ZCWPW2: variants seen among roughly 807,000 people sequenced by gnomAD.
The protein encoded by ZCWPW2 is zinc finger CW-type and PWWP domain containing 2, also known as zinc finger CW-type PWWP domain protein 2.
Under a neutral mutation model 46.6 loss-of-function variants are expected in ZCWPW2, and 45 were observed. The observed-to-expected ratio is 0.96, with a 90% confidence interval of 0.76 to 1.24. ZCWPW2 has a LOEUF of 1.24. ZCWPW2 is among the 50% of genes most tolerant of loss of function. The pLI is 0.00. For synonymous variants in ZCWPW2, 152 were observed against 137.1 expected (o/e 1.11, Z -0.76); for missense variants, 429 against 403.9 (o/e 1.06, Z -0.53).
intron 2 of ZCWPW2, among the ~76,000 whole-genome samples, chr3:28,409,621 T>C (rs1189777521): frequency 6.6e-6 from 1 of 152,190 alleles, no homozygotes; most frequent in East Asian, 1.9e-4. Context: ...TCATCTGGAT[T>C]AAAGCATTCT....
chr3:28,463,672 G>A (rs1698723515), intron 4 of ZCWPW2, among the ~76,000 whole-genome samples: 1 of 152,062 alleles, frequency 6.6e-6, no homozygotes, highest in African/African-American at 2.4e-5. Context: ...TTTATAAAAG[G>A]GTGGAGGTTG....
chr3:28,412,342 TAAATA>T (rs1696433437), intron 2 of ZCWPW2, among the ~76,000 whole-genome samples: 1 of 151,956 alleles, frequency 6.6e-6, no homozygotes, highest in South Asian at 2.1e-4. Context: ...TAATTAATAA[TAAATA>T]AAAGCTGAAA....
At chr3:28,460,724 A>G (rs1359952811) in intron 4 of ZCWPW2, among the ~76,000 whole-genome samples, 4 of 152,338 alleles carry the variant, frequency 2.6e-5, no homozygotes, top group African/African-American at 9.6e-5. Context: ...TTTCTACTGA[A>G]CTGCTTTAAG....
chr3:28,422,300 A>G (rs1368799346), intron 3 of ZCWPW2, among the ~76,000 whole-genome samples: 1 of 152,170 alleles, frequency 6.6e-6, no homozygotes, highest in African/African-American at 2.4e-5. Context: ...ACAAATGTAT[A>G]ATGACATGTG....
At chr3:28,508,983 C>G (rs1240085829) in intron 6 of ZCWPW2, among the ~76,000 whole-genome samples, 1 of 152,144 alleles carries the variant, frequency 6.6e-6, no homozygotes, top group African/African-American at 2.4e-5. Context: ...AGTTTTTCAT[C>G]ACCCTGAAAG....
At chr3:28,493,123 A>AT (rs1431021460) in intron 6 of ZCWPW2, among the ~76,000 whole-genome samples, 22 of 52,740 alleles carry the variant, frequency 4.2e-4, no homozygotes, top group African/African-American at 9.1e-4. Flanking sequence ...GTTTATCTTT[A>AT]TTTTTTTTTA....
chr3:28,512,182 T>C (rs562193779), intron 6 of ZCWPW2, among the ~76,000 whole-genome samples: 65 of 152,146 alleles, frequency 4.3e-4, no homozygotes, highest in Non-Finnish European at 7.1e-4. Context: ...ATTCTTTTTT[T>C]TTTTTTCTTT....
rs1475635694 is a variant in ZCWPW2 at position 28,453,844 on chromosome 3, TTATTATTA to T, written c.492+18577_492+18584del. On this transcript the variant is annotated intron_variant, in intron 4 of 9. Coordinates refer to ENST00000383768, the MANE Select transcript of ZCWPW2 (RefSeq NM_001040432.4). ...ATTTATTTATTTATTTTTATTTTTTTTATTATTATTTTTTTTTTGAGACGGAGTCTCGC... is the reference window on the plus strand; with the variant it reads ...ATTTATTTATTTATTTTTATTTTTTTTTTTTTTTTTGAGACGGAGTCTCGC... 1.6e-4 allele frequency among the ~76,000 whole-genome samples: 24 copies of T among 148,336 alleles called. 1 individual carries two copies. Among genetic ancestry groups the T allele is most frequent in the African/African-American group, 5.2e-4 (21 of 40,536 alleles).
intron 3 of ZCWPW2, among the ~76,000 whole-genome samples, chr3:28,421,730 A>T (rs1311211640): frequency 6.7e-6 from 1 of 149,200 alleles, no homozygotes; most frequent in East Asian, 2.0e-4. Flanking sequence ...GAATCTTTTT[A>T]TGTTTTTTTT....
intron 6 of ZCWPW2, among the ~76,000 whole-genome samples, chr3:28,492,386 T>C (rs971434732): frequency 5.9e-5 from 9 of 152,088 alleles, no homozygotes; most frequent in Admixed American, 2.0e-4. Context: ...CTGTCAGAAA[T>C]TAGAACAATA....
Position 28,399,764 on chromosome 3 carries a change from A to C in ZCWPW2, c.-14+9147A>C, listed in dbSNP as rs530054183. 1.4e-4 allele frequency among the ~76,000 whole-genome samples: 21 copies of C among 152,336 alleles called. 1 individual carries two copies. The highest frequency in any genetic ancestry group is 5.1e-4 in the African/African-American group (21 of 41,564). ...ACATCAAGGTAATACCCCATAGGAC[A>C]AAAGAATCTGAGCAACAGCAATTAA... On this transcript the variant is annotated intron_variant, in intron 2 of 9. Transcript: ENST00000383768.
intron 3 of ZCWPW2, among the ~76,000 whole-genome samples, chr3:28,417,415 C>T (rs1302010760): frequency 6.6e-6 from 1 of 152,092 alleles, no homozygotes; most frequent in Non-Finnish European, 1.5e-5. Context: ...GATGGATTCA[C>T]AGCAGAATTC....
intron 6 of ZCWPW2, among the ~76,000 whole-genome samples, chr3:28,507,945 C>T (rs1052035255): frequency 4.6e-5 from 7 of 151,978 alleles, no homozygotes; most frequent in East Asian, 1.9e-4. Flanking sequence ...TTTAAAGCTA[C>T]GTGTCTTAGT....
intron 4 of ZCWPW2, among the ~76,000 whole-genome samples, chr3:28,474,190 A>T (rs1223603838): frequency 1.3e-5 from 2 of 152,168 alleles, no homozygotes; most frequent in African/African-American, 2.4e-5. Flanking sequence ...TAAAAGAAAG[A>T]TTGGCAAAGA....
At chr3:28,474,620 T>TGTGTGTGTGTGCGCGC (rs777191108) in intron 4 of ZCWPW2, among the ~76,000 whole-genome samples, 2 of 121,630 alleles carry the variant, frequency 1.6e-5, no homozygotes, top group Admixed American at 8.1e-5. Context: ...TGTGTGTGTG[T>TGTGTGTGTGTGCGCGC]GCGCGCGCGC....
rs181764588 is a variant in ZCWPW2, at chr3:28,406,786, A to G, written c.-13-6270A>G. 7.4e-5 allele frequency among the ~76,000 whole-genome samples: 11 copies of G among 149,650 alleles called. No homozygotes were observed. In the East Asian group the frequency reaches 2.2e-3, roughly 29 times the overall value. ...TCAGCTCAATATTTTTGTACGTTAC[A>G]TGCATGCATGTTTTCATGGAATTTC... On this transcript the variant is annotated intron_variant, in intron 2 of 9. Transcript: ENST00000383768.
intron 6 of ZCWPW2, among the ~76,000 whole-genome samples, chr3:28,504,967 C>G (rs1700238771): frequency 6.6e-6 from 1 of 152,044 alleles, no homozygotes; most frequent in Non-Finnish European, 1.5e-5. Context: ...TATATATAGT[C>G]AAAGACCGCT....
At chr3:28,463,335 C>G (rs1559514775) in intron 4 of ZCWPW2, among the ~76,000 whole-genome samples, 1 of 152,106 alleles carries the variant, frequency 6.6e-6, no homozygotes, top group Non-Finnish European at 1.5e-5. Context: ...ATACCCACTC[C>G]TTCCTATGGT....
chr3:28,488,493 C>T (rs537061651), intron 5 of ZCWPW2, among the ~76,000 whole-genome samples: 1 of 152,012 alleles, frequency 6.6e-6, no homozygotes, highest in Non-Finnish European at 1.5e-5. Flanking sequence ...TTTAAACAAA[C>T]AAAAACTGAC....
Sources: allele counts gnomAD v4.1 joint callset (sites outside exome capture counted in the v4.1 genomes callset), GRCh38; gene constraint gnomAD v4.1.1; transcripts MANE v1.5; gene names NCBI Gene and HGNC (gene_info 2026-07-23, HGNC 2026-07-21).